ZBTB20: variants seen among roughly 807,000 people sequenced by gnomAD.
ZBTB20 encodes the protein zinc finger and BTB domain-containing protein 20.
In ZBTB20, 9 loss-of-function variants were observed where a neutral mutation model predicts 56.9. The observed-to-expected ratio is 0.16, with a 90% CI of 0.10 to 0.28. ZBTB20 has a LOEUF of 0.28. ZBTB20 is among the 10% of genes least tolerant of loss of function. The pLI is 1.00. For synonymous variants in ZBTB20, 417 were observed against 420.7 expected (o/e 0.99, Z 0.11); for missense variants, 655 against 1,003.0 (o/e 0.65, Z 4.69).
chr3:114,457,923 TA>T (rs755300049), intron 7 of ZBTB20, among the ~76,000 whole-genome samples: 8 of 151,880 alleles, frequency 5.3e-5, no homozygotes, highest in African/African-American at 9.7e-5. Flanking sequence ...AATAAGCAAA[TA>T]AAAAAAACAC....
At chr3:114,497,880 A>G (rs2043467381) in intron 7 of ZBTB20, among the ~76,000 whole-genome samples, 1 of 152,192 alleles carries the variant, frequency 6.6e-6, no homozygotes, top group Non-Finnish European at 1.5e-5. Context: ...AGCTTTTATA[A>G]GCATAGTAGG....
intron 2 of ZBTB20, among the ~76,000 whole-genome samples, chr3:115,054,859 C>T (rs968948124): frequency 6.6e-6 from 1 of 152,084 alleles, no homozygotes; most frequent in African/African-American, 2.4e-5. Context: ...CAATATTTTA[C>T]TCTTATAGTG....
At chr3:115,100,264 G>A (rs2108603452) in intron 1 of ZBTB20, 1 of 152,056 alleles carries the variant, frequency 6.6e-6, no homozygotes. Flanking sequence ...CCTCCCTAAT[G>A]AGTCCATTTT....
chr3:114,389,129 T>C (rs1400891164), intron 7 of ZBTB20, 24 bp from the exon 8 acceptor site: 2 of 151,992 alleles, frequency 1.3e-5, no homozygotes, highest in Non-Finnish European at 2.9e-5. Context: ...AAAACAAAAA[T>C]AAGGTTGTTA....
intron 6 of ZBTB20, among the ~76,000 whole-genome samples, chr3:114,539,482 G>A (rs1315851248): frequency 6.6e-6 from 1 of 152,094 alleles, no homozygotes; most frequent in Non-Finnish European, 1.5e-5. Context: ...CATAAGCAAT[G>A]TGGTGTTATA....
intron 2 of ZBTB20, among the ~76,000 whole-genome samples, chr3:115,046,538 G>T (rs2081340217): frequency 6.6e-6 from 1 of 152,062 alleles, no homozygotes; most frequent in Admixed American, 6.5e-5. Context: ...TAAAAATCTT[G>T]TTGACCTTAA....
chr3:114,856,791 T>A (rs1033533160), intron 4 of ZBTB20, among the ~76,000 whole-genome samples: 8 of 152,166 alleles, frequency 5.3e-5, no homozygotes, highest in African/African-American at 1.9e-4. Context: ...TTTTCTATCA[T>A]CTTGTCAGGG....
At chr3:115,058,813 G>T (rs1464461127) in intron 2 of ZBTB20, among the ~76,000 whole-genome samples, 1 of 152,078 alleles carries the variant, frequency 6.6e-6, no homozygotes, top group African/African-American at 2.4e-5. Flanking sequence ...AGGTTAAACT[G>T]CTTCATAGTG....
At chr3:115,056,791 T>C (rs2081807212) in intron 2 of ZBTB20, among the ~76,000 whole-genome samples, 1 of 152,116 alleles carries the variant, frequency 6.6e-6, no homozygotes, top group African/African-American at 2.4e-5. Flanking sequence ...TGTAAGTGGT[T>C]ATCCATATTT....
At chr3:114,682,737 T>C (rs2108261551) in intron 6 of ZBTB20, among the ~76,000 whole-genome samples, 1 of 152,326 alleles carries the variant, frequency 6.6e-6, no homozygotes, top group Admixed American at 6.5e-5. Flanking sequence ...ATATATGTGA[T>C]AGACCGGATT....
intron 2 of ZBTB20, among the ~76,000 whole-genome samples, chr3:115,044,097 C>A (rs532632349): frequency 6.6e-6 from 1 of 152,270 alleles, no homozygotes; most frequent in East Asian, 1.9e-4. Flanking sequence ...AAGCAGATTC[C>A]AGCACCATGC....
rs1553821576 is a variant in ZBTB20, at chr3:114,787,377, A to AC, written c.-343+13723dup. Among the ~76,000 whole-genome samples the AC allele has an allele frequency of 9.2e-5, 13 of 141,522 alleles. 1 individual carries two copies. Among genetic ancestry groups the AC allele is most frequent in the South Asian group, 4.5e-4 (2 of 4,446 alleles). 92.8% of individuals were successfully genotyped at this position (141,522 alleles called of 152,430 possible). ...TATATATATATATATATACACACAC[A>AC]CACACACACACACACATATATATAC... On this transcript the variant is annotated intron_variant, in intron 5 of 11. Coordinates refer to ENST00000675478, the MANE Select transcript of ZBTB20 (RefSeq NM_001348800.3).
chr3:114,763,370 A>G (rs2068565121), intron 5 of ZBTB20, among the ~76,000 whole-genome samples: 1 of 152,186 alleles, frequency 6.6e-6, no homozygotes, highest in Admixed American at 6.5e-5. Context: ...TGACCTTGCT[A>G]TGAGATTTGC....
chr3:114,901,055 A>G (rs956066446), intron 3 of ZBTB20, among the ~76,000 whole-genome samples: 2 of 152,140 alleles, frequency 1.3e-5, no homozygotes, highest in African/African-American at 4.8e-5. Flanking sequence ...ATTTGGATTT[A>G]GGTGGAAACT....
At chr3:114,857,752 C>T (rs1055234153) in intron 4 of ZBTB20, among the ~76,000 whole-genome samples, 10 of 152,176 alleles carry the variant, frequency 6.6e-5, no homozygotes, top group African/African-American at 2.4e-4. Flanking sequence ...TTTTCCTTCT[C>T]TCCCACCTCC....
chr3:114,362,385 G>A (rs748356535), intron 10 of ZBTB20, among the ~76,000 whole-genome samples: 1 of 152,136 alleles, frequency 6.6e-6, no homozygotes, highest in Non-Finnish European at 1.5e-5. Context: ...TCTTTATAAT[G>A]TGTGGGTTCT....
intron 6 of ZBTB20, among the ~76,000 whole-genome samples, chr3:114,643,176 G>T (rs2059648557): frequency 6.6e-6 from 1 of 152,148 alleles, no homozygotes; most frequent in Middle Eastern, 3.4e-3. Context: ...TAGTTTTTAT[G>T]TAGTTGGATA....
At chr3:114,850,928 G>A (rs1217131723) in intron 4 of ZBTB20, among the ~76,000 whole-genome samples, 1 of 152,018 alleles carries the variant, frequency 6.6e-6, no homozygotes, top group Admixed American at 6.6e-5. Flanking sequence ...TCAGTTGAGG[G>A]ATTAAAAAAA....
chr3:114,578,542 T>C (rs1322068787), intron 6 of ZBTB20, among the ~76,000 whole-genome samples: 1 of 151,866 alleles, frequency 6.6e-6, no homozygotes, highest in African/African-American at 2.4e-5. Flanking sequence ...ATTTAGGATA[T>C]AGAATAACTT....
Sources: allele counts gnomAD v4.1 joint callset (sites outside exome capture counted in the v4.1 genomes callset), GRCh38; gene constraint gnomAD v4.1.1; transcripts MANE v1.5; gene names NCBI Gene and HGNC (gene_info 2026-07-23, HGNC 2026-07-21).